Variants in RPGRIP1L observed in about 807,000 individuals in gnomAD.
RPGRIP1L encodes protein fantom.
A neutral mutation model predicts 160.4 loss-of-function variants in RPGRIP1L; 131 were observed. The observed-to-expected ratio is 0.82, with a 90% CI of 0.71 to 0.94. The LOEUF (loss-of-function observed/expected upper bound fraction) is 0.94, where lower values mean the gene tolerates loss of function less well. RPGRIP1L is among the 40% of genes least tolerant of loss of function. RPGRIP1L has a pLI of 0.00. For synonymous variants in RPGRIP1L, 510 were observed against 515.8 expected (o/e 0.99, Z 0.15); for missense variants, 1,522 against 1,535.8 (o/e 0.99, Z 0.15).
intron 2 of RPGRIP1L, among the ~76,000 whole-genome samples, chr16:53,697,761 TGCAGCCTCTGCCCG>T (rs1489749926): frequency 6.6e-6 from 1 of 151,970 alleles, no homozygotes; most frequent in Admixed American, 6.5e-5. Flanking sequence ...GTGCCCAGAG[TGCAGCCTCTGCCCG>T]GCCGCCACCC....
chr16:53,625,000 G>A (rs1168170868), intron 22 of RPGRIP1L, among the ~76,000 whole-genome samples: 2 of 152,146 alleles, frequency 1.3e-5, no homozygotes, highest in Non-Finnish European at 2.9e-5. Context: ...TCCTGACCTC[G>A]AGTGATCTGC....
At chr16:53,662,377 C>G (rs1447325716) in intron 10 of RPGRIP1L, among the ~76,000 whole-genome samples, 2 of 152,120 alleles carry the variant, frequency 1.3e-5, no homozygotes, top group Admixed American at 6.6e-5. Context: ...ATTTACATAT[C>G]CTTCCCCCAC....
chr16:53,614,021 CT>C (rs913446868), intron 24 of RPGRIP1L, among the ~76,000 whole-genome samples: 24 of 152,152 alleles, frequency 1.6e-4, no homozygotes, highest in African/African-American at 5.8e-4. Flanking sequence ...CAAAGTTTTC[CT>C]GTTTAAGCTG....
intron 2 of RPGRIP1L, among the ~76,000 whole-genome samples, chr16:53,698,538 A>G (rs1245344374): frequency 3.8e-5 from 4 of 105,242 alleles, no homozygotes; most frequent in Admixed American, 9.2e-5. Context: ...TCTGGGAGGG[A>G]GGTGGAGGGG....
Position 53,687,974 on chromosome 16 carries a change from A to G in RPGRIP1L, c.530-9T>C. On this transcript the variant is annotated splice_polypyrimidine_tract_variant and intron_variant, in intron 4 of 26. Transcript: ENST00000647211. ...ATCTTGGAATTTTATACCTAAAAAC[A>G]AAGTAATAAAATATGATTACAGAAT... The G allele has an allele frequency of 6.9e-7, 1 of 1,459,390 alleles. No individual in the cohort carries two copies. The highest frequency in any genetic ancestry group is 9.6e-7 in the Non-Finnish European group (1 of 1,040,026). 90.4% of individuals were successfully genotyped at this position (1,459,390 alleles called of 1,614,324 possible).
intron 21 of RPGRIP1L, among the ~76,000 whole-genome samples, chr16:53,636,740 T>TA (rs965640268): frequency 1.3e-5 from 2 of 151,944 alleles, no homozygotes; most frequent in Admixed American, 1.3e-4. Flanking sequence ...GAAATGCCAA[T>TA]AAAAATACAG....
At chr16:53,665,072 G>T in intron 9 of RPGRIP1L, 63 bp from the exon 10 acceptor site, 1 of 1,600,212 alleles carries the variant, frequency 6.2e-7, no homozygotes, top group Non-Finnish European at 8.5e-7. Context: ...AAATAATAAA[G>T]AGAAAAGCTT....
rs1199921788 is a variant in RPGRIP1L at position 53,619,214 on chromosome 16, T to A, written c.3433-6A>T. 6.2e-7 allele frequency: 1 copy of A among 1,612,050 alleles called. No individual in the cohort carries two copies. Among genetic ancestry groups the A allele is most frequent in the South Asian group, 1.1e-5 (1 of 91,018 alleles). ...ATCCGAATTTTTTCTGATGGCTGTT[T>A]AAAGAGCAAAAACAAAAAACAACAA... On this transcript the variant is annotated splice_polypyrimidine_tract_variant and splice_region_variant and intron_variant, in intron 23 of 26. Coordinates refer to ENST00000647211, the MANE Select transcript of RPGRIP1L (RefSeq NM_015272.5).
chr16:53,645,768 G>A lies in RPGRIP1L; in HGVS notation c.2540C>T (p.Pro847Leu). Residue 847 changes from proline (P) to leucine (L), a missense_variant, in exon 17 of 27, where the codon CCA becomes CTA. Pro to Leu is a moderately conservative substitution (Grantham distance 98, BLOSUM62 -3). Coordinates refer to ENST00000647211, the MANE Select transcript of RPGRIP1L (RefSeq NM_015272.5). ...GTATCGATCCAAGTCCATATTCATT[G>A]GCACTGGGAAATACATATGATCATC... is the stretch of plus-strand genomic sequence containing the variant. ...QFDDHMYFPVPMNMDLDRYLK... is the reference protein window; with the variant it reads ...QFDDHMYFPVLMNMDLDRYLK... 1.9e-6 allele frequency: 3 copies of A among 1,614,054 alleles called. No homozygotes were observed. The African/African-American group carries it at 4.0e-5, about 22-fold the overall frequency.
intron 24 of RPGRIP1L, among the ~76,000 whole-genome samples, chr16:53,616,647 T>G (rs373679452): frequency 1.5e-4 from 23 of 152,320 alleles, no homozygotes; most frequent in African/African-American, 5.3e-4. Context: ...GTAAACAGTT[T>G]TACTGAATTC....
intron 22 of RPGRIP1L, among the ~76,000 whole-genome samples, chr16:53,633,546 T>A (rs927387399): frequency 6.6e-6 from 1 of 152,288 alleles, no homozygotes; most frequent in Middle Eastern, 3.4e-3. Flanking sequence ...TTGGACCATA[T>A]GAATAAGATG....
Position 53,672,872 on chromosome 16 carries a change from C to G in RPGRIP1L, c.1027G>C (p.Glu343Gln). ...SMKFSERRIEELQDRINDLEK... is the reference protein window; with the variant it reads ...SMKFSERRIEQLQDRINDLEK... ...GGCTAAACTCTTTGGGAGCTTACCT[C>G]TTCTATTCTTCTTTCAGAAAACTTC... The change falls in exon 8 of 27, where the codon GAG becomes CAG. Residue 343 changes from glutamate to glutamine, a missense_variant and splice_region_variant. Glu to Gln is a conservative substitution (Grantham distance 29, BLOSUM62 2). Coordinates refer to ENST00000647211, the MANE Select transcript of RPGRIP1L (RefSeq NM_015272.5). 6.2e-7 allele frequency: 1 copy of G among 1,612,132 alleles called. No homozygotes were observed.
intron 10 of RPGRIP1L, among the ~76,000 whole-genome samples, chr16:53,663,528 AT>A (rs1268673583): frequency 6.6e-6 from 1 of 152,074 alleles, no homozygotes; most frequent in Non-Finnish European, 1.5e-5. Flanking sequence ...GCACTTCCAC[AT>A]TTTTACCTAA....
At chr16:53,659,160 T>C in intron 10 of RPGRIP1L, 1 of 864,230 alleles carries the variant, frequency 1.2e-6, no homozygotes, top group East Asian at 6.3e-5. Context: ...CAAAGGAATG[T>C]TCTATTTAAA....
intron 22 of RPGRIP1L, among the ~76,000 whole-genome samples, chr16:53,627,327 A>T (rs551440038): frequency 1.5e-4 from 23 of 152,340 alleles, no homozygotes; most frequent in African/African-American, 5.5e-4. Flanking sequence ...GCTTAATTTT[A>T]TTCCAAGTTT....
At chr16:53,676,880 G>A (rs1055478053) in intron 6 of RPGRIP1L, among the ~76,000 whole-genome samples, 1 of 151,830 alleles carries the variant, frequency 6.6e-6, no homozygotes, top group African/African-American at 2.4e-5. Flanking sequence ...TAATCCACCC[G>A]CCTCGGCCTC....
intron 24 of RPGRIP1L, 75 bp downstream of exon 24, chr16:53,618,950 C>T: frequency 8.2e-7 from 1 of 1,221,852 alleles, no homozygotes; most frequent in Non-Finnish European, 1.2e-6. Context: ...TAAACTTTCT[C>T]TCTGTTCTTT....
chr16:53,664,883 T>C lies in RPGRIP1L; in HGVS notation c.1230A>G (p.Leu410=). 6.2e-7 allele frequency: 1 copy of C among 1,611,208 alleles called. No homozygotes were observed. The highest frequency in any genetic ancestry group is 8.5e-7 in the Non-Finnish European group (1 of 1,179,868). Residue 410 remains leucine (L), a synonymous_variant, in exon 10 of 27, where the codon TTA becomes TTG. Coordinates refer to ENST00000647211, the MANE Select transcript of RPGRIP1L (RefSeq NM_015272.5). ...TTTCAAATGTACCTCTTTCAGTTTT[T>C]AATCTGTCAAGGATTTCAGTTTTGT... ...LTDKTEILDR[L]KTERDQNEKL...
intron 26 of RPGRIP1L, among the ~76,000 whole-genome samples, chr16:53,603,390 G>A (rs1401451187): frequency 6.6e-6 from 1 of 152,166 alleles, no homozygotes; most frequent in African/African-American, 2.4e-5. Flanking sequence ...GTGCAGTGGT[G>A]CAATCTGGGC....
Sources: allele counts gnomAD v4.1 joint callset (sites outside exome capture counted in the v4.1 genomes callset), GRCh38; gene constraint gnomAD v4.1.1; transcripts MANE v1.5; gene names NCBI Gene and HGNC (gene_info 2026-07-23, HGNC 2026-07-21).